Variants in EPB41 observed in about 807,000 individuals in gnomAD.
EPB41 encodes protein 4.1.
EPB41 carries 65 observed loss-of-function variants against 108.0 expected under a neutral mutation model. The observed-to-expected ratio is 0.60, with a 90% CI of 0.49 to 0.74. The LOEUF is 0.74. Among genes scored for constraint, EPB41 ranks in the 30% least tolerant of loss-of-function variants. The probability of loss-of-function intolerance (pLI) is 0.00; values close to 1 mark genes in which losing one functional copy is unlikely to be tolerated. For synonymous variants in EPB41, 336 were observed against 358.9 expected (o/e 0.94, Z 0.72); for missense variants, 875 against 1,037.0 (o/e 0.84, Z 2.15).
intron 1 of EPB41, chr1:28,889,809 A>T: frequency 2.0e-6 from 2 of 985,282 alleles, no homozygotes; most frequent in Non-Finnish European, 2.4e-6. Flanking sequence ...GTTATTCTCT[A>T]AGCCTTTCTT....
At chr1:29,108,123 G>A (rs1023405176) in intron 17 of EPB41, among the ~76,000 whole-genome samples, 4 of 147,440 alleles carry the variant, frequency 2.7e-5, no homozygotes, top group African/African-American at 9.9e-5. Context: ...ATGTTGACCT[G>A]TGGCTATGTT....
chr1:29,100,004 T>TA (rs1415401920), intron 17 of EPB41, among the ~76,000 whole-genome samples: 1 of 152,216 alleles, frequency 6.6e-6, no homozygotes, highest in Non-Finnish European at 1.5e-5. Context: ...AATCAGGGAA[T>TA]TCCTCTCTGA....
In EPB41 at chr1:28,979,420, T is replaced by C. The variant is rs1367964686; in HGVS notation, c.-7-8011T>C. Reference sequence around the variant, plus strand: ...ATCTCCCCTGCCAAATTATATTCAATTGTGTACGACTACTGCCCCTTCACA... The same window carrying C: ...ATCTCCCCTGCCAAATTATATTCAACTGTGTACGACTACTGCCCCTTCACA... On this transcript the variant is annotated intron_variant, in intron 1 of 20. Coordinates refer to ENST00000343067, the MANE Select transcript of EPB41 (RefSeq NM_001376013.1). Among the ~76,000 whole-genome samples, 4 of 151,482 alleles carry C rather than the reference T, an allele frequency of 2.6e-5. 1 individual carries two copies. Among genetic ancestry groups the C allele is most frequent in the Admixed American group, 2.0e-4 (3 of 15,220 alleles).
chr1:29,025,935 C>T (rs1309821352), intron 7 of EPB41, among the ~76,000 whole-genome samples: 1 of 150,164 alleles, frequency 6.7e-6, no homozygotes, highest in East Asian at 1.9e-4. Flanking sequence ...TTTCAGAAGC[C>T]AAGCAGAGCA....
rs62880161 is a variant in EPB41, at chr1:29,080,411, C to CT, written c.2184+15268dup. ...GTCACTGTGCCTGGCCCCTTTTTTT[C>CT]TTTTTTTTTTTTTTTGAGACAGGGT... On this transcript the variant is annotated intron_variant, in intron 16 of 20. Transcript: ENST00000343067. Among the ~76,000 whole-genome samples, 715 of 139,616 alleles carry CT rather than the reference C, an allele frequency of 5.1e-3. 1 individual carries two copies. Among genetic ancestry groups the CT allele is most frequent in the Middle Eastern group, 7.4e-3 (2 of 272 alleles). The allele number at this position is 139,616 out of a possible 152,430, so 91.6% of individuals were successfully genotyped here.
intron 10 of EPB41, among the ~76,000 whole-genome samples, chr1:29,038,775 C>T (rs1007296286): frequency 6.6e-6 from 1 of 152,152 alleles, no homozygotes; most frequent in Non-Finnish European, 1.5e-5. Flanking sequence ...TAAAAATACA[C>T]CAAATAACCT....
chr1:29,032,925 T>C (rs2096808037), intron 8 of EPB41, among the ~76,000 whole-genome samples, 168 bp from the exon 9 acceptor site: 2 of 152,218 alleles, frequency 1.3e-5, no homozygotes, highest in African/African-American at 4.8e-5. Context: ...TCATGACTGC[T>C]GATTTAAACA....
intron 2 of EPB41, among the ~76,000 whole-genome samples, chr1:28,992,801 A>G (rs1572080082): frequency 6.6e-6 from 1 of 152,194 alleles, no homozygotes; most frequent in Admixed American, 6.5e-5. Context: ...ATTTAACATG[A>G]TTAATATTGG....
chr1:29,077,680 A>T (rs941520546), intron 16 of EPB41, among the ~76,000 whole-genome samples: 1 of 152,182 alleles, frequency 6.6e-6, no homozygotes, highest in African/African-American at 2.4e-5. Flanking sequence ...CTTTTTCTGT[A>T]AAGTGCCAAA....
chr1:29,024,450 G>A (rs1008611690), intron 7 of EPB41, among the ~76,000 whole-genome samples: 1 of 151,486 alleles, frequency 6.6e-6, no homozygotes, highest in Admixed American at 6.6e-5. Flanking sequence ...TGGTCAAGAT[G>A]GTGAAACCCT....
At chr1:29,103,074 A>G (rs1665992497) in intron 17 of EPB41, among the ~76,000 whole-genome samples, 1 of 151,914 alleles carries the variant, frequency 6.6e-6, no homozygotes, top group Admixed American at 6.6e-5. Context: ...CACCCAGCCT[A>G]ATTTTTATAT....
chr1:29,032,993 G>A lies in EPB41; in HGVS notation c.1213-100G>A, dbSNP rs2096809513. 5 of 1,138,920 alleles carry A rather than the reference G, an allele frequency of 4.4e-6. No individual in the cohort carries two copies. The Admixed American group carries it at 7.1e-5, about 16-fold the overall frequency. The allele number at this position is 1,138,920 out of a possible 1,614,324, so 70.6% of individuals were successfully genotyped here. A position where few individuals can be genotyped will look rare whatever the true frequency, so the allele number is the denominator to read the frequency against. ...AGCTTTATTTTTCATTGTATGTTTT[G>A]TAACTGTTTTTGGTTGTTATCTTCA... On this transcript the variant is annotated intron_variant, in intron 8 of 20. Coordinates refer to ENST00000343067, the MANE Select transcript of EPB41 (RefSeq NM_001376013.1).
rs536235036 is a variant in EPB41 at position 29,013,113 on chromosome 1, T to TA, written c.829+1214dup. On this transcript the variant is annotated intron_variant, in intron 5 of 20. Transcript: ENST00000343067. ...AAAAGGAACCTTAATATTTTTCAGTTAAAAAAAATTACACCATCCTGGCCA... is the reference window on the plus strand; with the variant it reads ...AAAAGGAACCTTAATATTTTTCAGTTAAAAAAAAATTACACCATCCTGGCCA... Among the ~76,000 whole-genome samples, 20 of 151,954 alleles carry TA rather than the reference T, an allele frequency of 1.3e-4. No individual in the cohort carries two copies. In the South Asian group the frequency reaches 3.9e-3, roughly 30 times the overall value.
At chr1:29,003,715 C>T (rs908296141) in intron 4 of EPB41, among the ~76,000 whole-genome samples, 1 of 152,168 alleles carries the variant, frequency 6.6e-6, no homozygotes, top group Admixed American at 6.5e-5. Context: ...TGCTTGTTCC[C>T]TTTTCCTACT....
At chr1:29,083,804 T>C (rs556633690) in intron 16 of EPB41, among the ~76,000 whole-genome samples, 30 of 152,328 alleles carry the variant, frequency 2.0e-4, no homozygotes, top group Admixed American at 7.8e-4. Context: ...TTAAAGCCAT[T>C]CTTTGCTGAG....
In EPB41 at chr1:28,987,675, T is replaced by C. The variant is rs942222753; in HGVS notation, c.238T>C (p.Ser80Pro). The change falls in exon 2 of 21, where the codon TCA becomes CCA. Residue 80 changes from serine to proline, a missense_variant. Ser to Pro is a moderately conservative substitution (Grantham distance 74). This residue lies in a region of EPB41 where 353 missense variants were observed against 393.2 expected (regional missense o/e 0.90). Transcript: ENST00000343067. ...GCGGACATCAGAAAGCAGAGGACTTTCACGACTATTCTCCTCGTTTCTCAA... is the reference window on the plus strand; with the variant it reads ...GCGGACATCAGAAAGCAGAGGACTTCCACGACTATTCTCCTCGTTTCTCAA... ...KERTSESRGLSRLFSSFLKRP... is the reference protein window; with the variant it reads ...KERTSESRGLPRLFSSFLKRP... 2 of 1,614,206 alleles carry C rather than the reference T, an allele frequency of 1.2e-6. No homozygotes were observed. The highest frequency in any genetic ancestry group is 1.7e-5 in the Admixed American group (1 of 60,020).
chr1:28,903,128 G>A (rs1251621479), intron 1 of EPB41, among the ~76,000 whole-genome samples: 1 of 152,062 alleles, frequency 6.6e-6, no homozygotes, highest in Non-Finnish European at 1.5e-5. Flanking sequence ...AAGTACTTAG[G>A]CACTTAGCTG....
At chr1:28,948,080 G>A (rs2094551316) in intron 1 of EPB41, among the ~76,000 whole-genome samples, 1 of 151,896 alleles carries the variant, frequency 6.6e-6, no homozygotes, top group Non-Finnish European at 1.5e-5. Flanking sequence ...TACTGTAGAA[G>A]TTATATCTAA....
intron 1 of EPB41, among the ~76,000 whole-genome samples, chr1:28,907,569 G>C (rs2091934634): frequency 6.6e-6 from 1 of 152,014 alleles, no homozygotes; most frequent in Non-Finnish European, 1.5e-5. Context: ...CTGGTGGATG[G>C]TTGTTAAGGC....
Sources: gnomAD v4.1 joint callset for allele counts (sites outside exome capture counted in the v4.1 genomes callset) on GRCh38, gnomAD v4.1.1 for gene constraint, gnomAD v4.1.1 regional missense constraint, MANE v1.5 for transcripts, NCBI Gene and HGNC (gene_info 2026-07-23, HGNC 2026-07-21) for gene names.